The following TUBB6 variants were observed in gnomAD, a reference collection of about 807,000 sequenced individuals.
TUBB6 encodes the protein tubulin beta-6 chain.
In TUBB6, 18 loss-of-function variants were observed where a neutral mutation model predicts 32.3. That is an observed-to-expected ratio of 0.56 (90% CI 0.39 to 0.83). The LOEUF (loss-of-function observed/expected upper bound fraction) is 0.83, where lower values mean the gene tolerates loss of function less well. Ranked by LOEUF, TUBB6 falls within the 40% of genes least tolerant of loss-of-function variation. The pLI, the probability that TUBB6 is intolerant of heterozygous loss-of-function variation, is 0.00. For synonymous variants in TUBB6, 280 were observed against 265.8 expected, an observed-to-expected ratio of 1.05 and a Z score of -0.52; for missense variants, 480 against 632.0, an observed-to-expected ratio of 0.76 and a Z score of 2.58.
At chr18:12,314,207 G>T (rs534087372) in intron 3 of TUBB6, among the ~76,000 whole-genome samples, 29 of 151,914 alleles carry the variant, frequency 1.9e-4, no homozygotes, top group Non-Finnish European at 3.7e-4. Flanking sequence ...TTCTCTGGGG[G>T]TCTTCATTTT....
At chr18:12,327,468 A>G (rs374696059), downstream of TUBB6, among the ~76,000 whole-genome samples, 1 of 152,272 alleles carries the variant, frequency 6.6e-6, no homozygotes, top group East Asian at 1.9e-4. Context: ...AGCCTTGGGC[A>G]GATGGAAAGT....
At chr18:12,322,479 C>T (rs776222984) in intron 3 of TUBB6, among the ~76,000 whole-genome samples, 9 of 151,810 alleles carry the variant, frequency 5.9e-5, no homozygotes, top group Admixed American at 3.9e-4. Flanking sequence ...CTCAGCCTCC[C>T]GAGTAGCTGG....
At position 12,325,264 on chromosome 18, in the gene TUBB6, T is replaced by C; in HGVS notation, c.475T>C (p.Phe159Leu). 1 of 1,613,958 alleles carries C rather than the reference T, an allele frequency of 6.2e-7. No individual in the cohort carries two copies. The highest frequency in any genetic ancestry group is 8.5e-7 in the Non-Finnish European group (1 of 1,179,958). Residue 159 changes from phenylalanine to leucine, a missense_variant, in exon 4 of 4, where the codon TTC becomes CTC. Physicochemically the swap from Phe to Leu is conservative, Grantham distance 22 (BLOSUM62 0). Transcript: ENST00000317702. The part of the protein sequence containing the change: ...TLLISKIREE[F>L]PDRIMNTFSV... ...GCTCATCAGCAAGATCCGTGAGGAG[T>C]TCCCGGACCGCATCATGAACACCTT...
Position 12,325,488 on chromosome 18 carries a change from G to A in TUBB6, c.699G>A (p.Met233Ile). 1 of 1,614,236 alleles carries A rather than the reference G, an allele frequency of 6.2e-7. No individual in the cohort carries two copies. The highest frequency in any genetic ancestry group is 8.5e-7 in the Non-Finnish European group (1 of 1,180,048). Residue 233 changes from methionine to isoleucine, a missense_variant, in exon 4 of 4, where the codon ATG becomes ATA. Coordinates refer to ENST00000317702, the MANE Select transcript of TUBB6 (RefSeq NM_032525.3). ...TCAACCACCTGGTGTCCGCCACCAT[G>A]AGTGGGGTCACCACCTCGCTGCGCT... ...GDLNHLVSAT[M>I]SGVTTSLRFP...
chr18:12,313,435 A>G (rs1191531225), intron 3 of TUBB6, among the ~76,000 whole-genome samples: 3 of 152,230 alleles, frequency 2.0e-5, no homozygotes, highest in Admixed American at 6.5e-5. Context: ...CAGGTTACCA[A>G]TCTTTCTGAT....
At chr18:12,308,185 CGG>C (rs1906092545), upstream of TUBB6, 1 of 732,474 alleles carries the variant, frequency 1.4e-6, no homozygotes, top group Admixed American at 5.8e-5. Context: ...TGGCGAGCGG[CGG>C]GGCGGGGGCG....
chr18:12,309,409 C>G (rs899148779), intron 2 of TUBB6, among the ~76,000 whole-genome samples: 12 of 142,420 alleles, frequency 8.4e-5, no homozygotes, highest in South Asian at 2.7e-4. Flanking sequence ...CCCCCCCCCC[C>G]CCCCCAGTTT....
At chr18:12,327,645 C>G (rs897290605), downstream of TUBB6, among the ~76,000 whole-genome samples, 2 of 152,190 alleles carry the variant, frequency 1.3e-5, no homozygotes, top group African/African-American at 4.8e-5. Flanking sequence ...TGAGCAGGCC[C>G]CACAAGATGG....
Position 12,325,625 on chromosome 18 carries a change from A to T in TUBB6, c.836A>T (p.Gln279Leu). The T allele has an allele frequency of 6.2e-7, 1 of 1,613,862 alleles. No homozygotes were observed. Among genetic ancestry groups the T allele is most frequent in the Non-Finnish European group, 8.5e-7 (1 of 1,179,926 alleles). Residue 279 changes from glutamine (Q) to leucine (L), a missense_variant, in exon 4 of 4, where the codon CAG (glutamine) becomes CTG (leucine). Coordinates refer to ENST00000317702, the MANE Select transcript of TUBB6 (RefSeq NM_032525.3). ...GFAPLTSRGS[Q>L]QYRALTVPEL... ...GCGCCGCTCACCAGCCGCGGCAGCCAGCAGTACCGGGCCCTGACCGTGCCC... is the reference window on the plus strand; with the variant it reads ...GCGCCGCTCACCAGCCGCGGCAGCCTGCAGTACCGGGCCCTGACCGTGCCC...
downstream of TUBB6, among the ~76,000 whole-genome samples, chr18:12,328,242 G>A (rs1907401483): frequency 6.6e-6 from 1 of 152,200 alleles, no homozygotes; most frequent in African/African-American, 2.4e-5. Context: ...ACTAGATTGT[G>A]TTAATTCTAA....
chr18:12,308,136 G>T, upstream of TUBB6: 5 of 259,438 alleles, frequency 1.9e-5, no homozygotes, highest in Non-Finnish European at 3.0e-5. Context: ...GCCGGGCCGC[G>T]GCGTCGAGCG....
At chr18:12,310,898 A>G in intron 2 of TUBB6, 45 bp from the exon 3 acceptor site, 2 of 1,410,654 alleles carry the variant, frequency 1.4e-6, no homozygotes, top group African/African-American at 2.9e-5. Flanking sequence ...CAATTACTTT[A>G]GAAACCTGAA....
chr18:12,325,826 CCAA>C lies in TUBB6; in HGVS notation c.1042_1044del (p.Asn348del), dbSNP rs1907281616. ...AGCAGCTACTTCGTGGAGTGGATTCCCAACAACGTGAAGGTGGCCGTGTGCGAC... is the reference window on the plus strand; with the variant it reads ...AGCAGCTACTTCGTGGAGTGGATTCCCAACGTGAAGGTGGCCGTGTGCGAC... On this transcript the variant is annotated inframe_deletion, in exon 4 of 4. Coordinates refer to ENST00000317702, the MANE Select transcript of TUBB6 (RefSeq NM_032525.3). 4 of 1,614,234 alleles carry C rather than the reference CCAA, an allele frequency of 2.5e-6. No homozygotes were observed. Among genetic ancestry groups the C allele is most frequent in the East Asian group, 2.2e-5 (1 of 44,886 alleles).
At chr18:12,324,016 A>G (rs964791317) in intron 3 of TUBB6, among the ~76,000 whole-genome samples, 1 of 152,232 alleles carries the variant, frequency 6.6e-6, no homozygotes. Context: ...ATTTTGCAAC[A>G]GTAATTCTGG....
Position 12,325,541 on chromosome 18 carries a change from G to C in TUBB6, c.752G>C (p.Arg251Pro). The change falls in exon 4 of 4, where the codon CGC becomes CCC. Residue 251 changes from arginine (R) to proline (P), a missense_variant. Coordinates refer to ENST00000317702, the MANE Select transcript of TUBB6 (RefSeq NM_032525.3). ...CCGGGCCAGCTCAATGCTGACCTGCGCAAGCTGGCGGTGAACATGGTGCCC... is the reference window on the plus strand; with the variant it reads ...CCGGGCCAGCTCAATGCTGACCTGCCCAAGCTGGCGGTGAACATGGTGCCC... ...RFPGQLNADL[R>P]KLAVNMVPFP... 1 of 1,614,194 alleles carries C rather than the reference G, an allele frequency of 6.2e-7. No individual in the cohort carries two copies. Among genetic ancestry groups the C allele is most frequent in the Non-Finnish European group, 8.5e-7 (1 of 1,180,042 alleles).
Position 12,325,232 on chromosome 18 carries a change from G to A in TUBB6, c.443G>A (p.Gly148Asp). The change falls in exon 4 of 4, where the codon GGC (glycine) becomes GAC (aspartate). Residue 148 changes from glycine to aspartate, a missense_variant. Transcript: ENST00000317702. Reference sequence around the variant, plus strand: ...GGCGGCGGCACGGGCTCAGGCATGGGCACGCTGCTCATCAGCAAGATCCGT... The same window carrying A: ...GGCGGCGGCACGGGCTCAGGCATGGACACGCTGCTCATCAGCAAGATCCGT... ...SLGGGTGSGM[G>D]TLLISKIREE... The A allele has an allele frequency of 1.2e-6, 2 of 1,614,202 alleles. No individual in the cohort carries two copies. The highest frequency in any genetic ancestry group is 1.7e-6 in the Non-Finnish European group (2 of 1,180,038).
intron 2 of TUBB6, among the ~76,000 whole-genome samples, chr18:12,309,089 GC>G (rs946661884): frequency 1.3e-5 from 2 of 152,118 alleles, no homozygotes; most frequent in African/African-American, 4.8e-5. Context: ...GGTGGCTCAA[GC>G]CTCTAATCCC....
chr18:12,309,876 G>T (rs1440042224), intron 2 of TUBB6, among the ~76,000 whole-genome samples: 1 of 152,186 alleles, frequency 6.6e-6, no homozygotes, highest in Non-Finnish European at 1.5e-5. Flanking sequence ...CCAGTGGCGT[G>T]CTCCGGGTAA....
At chr18:12,324,934 CCT>C in intron 3 of TUBB6, 131 bp from the exon 4 acceptor site, 2 of 1,495,436 alleles carry the variant, frequency 1.3e-6, no homozygotes, top group Admixed American at 4.7e-5. Context: ...TTGGTGGGTG[CCT>C]GTTTCCCCGG....
Sources: gnomAD v4.1 joint callset for allele counts (sites outside exome capture counted in the v4.1 genomes callset) on GRCh38, gnomAD v4.1.1 for gene constraint, MANE v1.5 for transcripts, NCBI Gene and HGNC (gene_info 2026-07-23, HGNC 2026-07-21) for gene names.